Variants in TAF3 observed in about 807,000 individuals in gnomAD.
The protein encoded by TAF3 is transcription initiation factor TFIID subunit 3.
In TAF3, 7 loss-of-function variants were observed where a neutral mutation model predicts 80.6. The ratio of observed to expected loss-of-function variants is 0.09; its 90% CI spans 0.05 to 0.16. The LOEUF (loss-of-function observed/expected upper bound fraction) is 0.16, where lower values mean the gene tolerates loss of function less well. Among genes scored for constraint, TAF3 ranks in the 10% least tolerant of loss-of-function variants. The probability of loss-of-function intolerance (pLI) is 1.00; values close to 1 mark genes in which losing one functional copy is unlikely to be tolerated. For synonymous variants in TAF3, 444 were observed against 446.1 expected, an observed-to-expected ratio of 1.00 and a Z score of 0.06; for missense variants, 921 against 1,140.2, an observed-to-expected ratio of 0.81 and a Z score of 2.77.
intron 4 of TAF3, among the ~76,000 whole-genome samples, chr10:7,979,398 C>T (rs1315441347): frequency 1.3e-5 from 2 of 149,682 alleles, no homozygotes; most frequent in African/African-American, 4.9e-5. Context: ...TTATATTCAA[C>T]TCACCTGCCT....
chr10:7,934,240 G>A (rs1837895387), intron 2 of TAF3, among the ~76,000 whole-genome samples: 1 of 152,134 alleles, frequency 6.6e-6, no homozygotes, highest in African/African-American at 2.4e-5. Flanking sequence ...ATCTAAGTAA[G>A]TGTTCAGTTA....
At position 7,818,694 on chromosome 10, in the gene TAF3, G is replaced by C; in HGVS notation, c.-16G>C. On this transcript the variant is annotated 5_prime_UTR_variant, in exon 1 of 7. Transcript: ENST00000344293. ...AGCAGTGGCAGCAAGGGCTGCGGTG[G>C]CGTCCACGCAGCGGGATGTGCGAGA... 6.2e-7 allele frequency: 1 copy of C among 1,602,136 alleles called. No homozygotes were observed. Among genetic ancestry groups the C allele is most frequent in the South Asian group, 1.1e-5 (1 of 90,674 alleles).
At chr10:7,910,535 C>T (rs575017344) in intron 2 of TAF3, among the ~76,000 whole-genome samples, 2 of 152,130 alleles carry the variant, frequency 1.3e-5, no homozygotes, top group African/African-American at 4.8e-5. Context: ...TGCCCGCCAT[C>T]ACGCCTGGCT....
At position 8,014,870 on chromosome 10, in the gene TAF3, C is replaced by T. The variant is rs187009492; in HGVS notation, c.*119C>T. 1.2e-6 allele frequency: 1 copy of T among 851,328 alleles called. No homozygotes were observed. Among genetic ancestry groups the T allele is most frequent in the African/African-American group, 1.7e-5 (1 of 58,052 alleles). 52.7% of individuals were successfully genotyped at this position (851,328 alleles called of 1,614,324 possible). ...CCCCCAGATGCCTGTGGATAAAGAACCCAGGAGGACTGAGGCTGGAACACA... is the reference window on the plus strand; with the variant it reads ...CCCCCAGATGCCTGTGGATAAAGAATCCAGGAGGACTGAGGCTGGAACACA... On this transcript the variant is annotated 3_prime_UTR_variant, in exon 7 of 7. Transcript: ENST00000344293.
At chr10:7,859,465 G>T (rs940609095) in intron 2 of TAF3, among the ~76,000 whole-genome samples, 1 of 152,140 alleles carries the variant, frequency 6.6e-6, no homozygotes, top group East Asian at 1.9e-4. Flanking sequence ...GGGGAGAATA[G>T]TAGGGACCCA....
At chr10:7,961,091 G>C (rs559921554) in intron 2 of TAF3, among the ~76,000 whole-genome samples, 17 of 152,314 alleles carry the variant, frequency 1.1e-4, no homozygotes, top group Non-Finnish European at 2.4e-4. Context: ...TGGAGGCCGA[G>C]ACTAGGTAGA....
chr10:7,819,111 G>A (rs116246992), intron 1 of TAF3, among the ~76,000 whole-genome samples: 2,934 of 152,022 alleles, frequency 0.019, 92 homozygotes, highest in African/African-American at 0.065. Context: ...TCGGGTCTTC[G>A]CTCCCAGCTC....
intron 2 of TAF3, among the ~76,000 whole-genome samples, chr10:7,876,484 T>C (rs1259747587): frequency 6.6e-6 from 1 of 152,220 alleles, no homozygotes; most frequent in Non-Finnish European, 1.5e-5. Context: ...GAATCGAATA[T>C]GAAAGAACAA....
intron 2 of TAF3, among the ~76,000 whole-genome samples, chr10:7,872,325 C>T (rs1478669529): frequency 6.7e-6 from 1 of 148,252 alleles, no homozygotes; most frequent in Non-Finnish European, 1.5e-5. Context: ...AAAATCAGTT[C>T]CCTGTATAAT....
chr10:7,855,568 G>A (rs948580816), intron 2 of TAF3, among the ~76,000 whole-genome samples: 5 of 152,158 alleles, frequency 3.3e-5, no homozygotes, highest in Non-Finnish European at 7.3e-5. Flanking sequence ...ATTGATGGTA[G>A]GCATTTCCCA....
chr10:7,943,678 T>G (rs912477545), intron 2 of TAF3, among the ~76,000 whole-genome samples: 10 of 152,242 alleles, frequency 6.6e-5, no homozygotes, highest in Non-Finnish European at 1.2e-4. Flanking sequence ...GCATCATTTG[T>G]GCCTCTTGGC....
chr10:7,850,365 AT>A (rs1837015255), intron 2 of TAF3, among the ~76,000 whole-genome samples: 1 of 152,164 alleles, frequency 6.6e-6, no homozygotes, highest in Admixed American at 6.5e-5. Flanking sequence ...TCATACATAA[AT>A]TTAAAGTTAA....
chr10:7,898,104 C>T (rs1837523799), intron 2 of TAF3, among the ~76,000 whole-genome samples: 1 of 152,148 alleles, frequency 6.6e-6, no homozygotes, highest in Admixed American at 6.5e-5. Context: ...ATCAACCCTT[C>T]TGTATCAACT....
At chr10:7,935,224 C>A (rs1241566229) in intron 2 of TAF3, among the ~76,000 whole-genome samples, 1 of 151,924 alleles carries the variant, frequency 6.6e-6, no homozygotes. Context: ...TTGCAGTGAG[C>A]CAAGATCGTG....
chr10:7,842,598 G>A (rs1368229825), intron 2 of TAF3, among the ~76,000 whole-genome samples: 2 of 151,970 alleles, frequency 1.3e-5, no homozygotes, highest in South Asian at 2.1e-4. Flanking sequence ...ATATTTGTCC[G>A]ATGATACCTA....
chr10:7,928,933 A>G (rs1837841521), intron 2 of TAF3, among the ~76,000 whole-genome samples: 2 of 152,254 alleles, frequency 1.3e-5, no homozygotes, highest in South Asian at 2.1e-4. Flanking sequence ...TCATCTCCAC[A>G]GAAGAATTTT....
At chr10:8,003,959 A>G (rs1200939965) in intron 4 of TAF3, among the ~76,000 whole-genome samples, 1 of 152,236 alleles carries the variant, frequency 6.6e-6, no homozygotes, top group Non-Finnish European at 1.5e-5. Context: ...CATAAAAAAA[A>G]ATGTTATCTG....
At chr10:7,952,874 T>C (rs1044673674) in intron 2 of TAF3, among the ~76,000 whole-genome samples, 4 of 152,224 alleles carry the variant, frequency 2.6e-5, no homozygotes, top group African/African-American at 4.8e-5. Context: ...AGGGTCTAAT[T>C]TCTGTTACAT....
chr10:7,825,464 C>T (rs1836730454), intron 2 of TAF3, among the ~76,000 whole-genome samples: 1 of 152,198 alleles, frequency 6.6e-6, no homozygotes, highest in Admixed American at 6.5e-5. Flanking sequence ...CAAATTGAAA[C>T]ACTGTTCCCA....
Sources: allele counts gnomAD v4.1 joint callset (sites outside exome capture counted in the v4.1 genomes callset), GRCh38; gene constraint gnomAD v4.1.1; transcripts MANE v1.5; gene names NCBI Gene and HGNC (gene_info 2026-07-23, HGNC 2026-07-21).